Variants in POU6F2 observed in about 807,000 individuals in gnomAD.
POU6F2 encodes POU domain, class 6, transcription factor 2.
In POU6F2, 31 loss-of-function variants were observed where a neutral mutation model predicts 71.3. That is an observed-to-expected ratio of 0.43 (90% confidence interval 0.33 to 0.59). POU6F2 has a LOEUF of 0.59. Among genes scored for constraint, POU6F2 ranks in the 20% least tolerant of loss-of-function variants. The probability of loss-of-function intolerance (pLI) is 0.04; values close to 1 mark genes in which losing one functional copy is unlikely to be tolerated. For synonymous variants in POU6F2, 347 were observed against 355.7 expected (o/e 0.98, Z 0.27); for missense variants, 783 against 856.8 (o/e 0.91, Z 1.07).
intron 1 of POU6F2, among the ~76,000 whole-genome samples, chr7:39,027,737 C>T (rs570171689): frequency 1.3e-5 from 2 of 152,314 alleles, no homozygotes; most frequent in African/African-American, 4.8e-5. Context: ...CCCCCATAAA[C>T]ATACACCTCG....
chr7:39,213,668 A>G (rs1794186865), intron 4 of POU6F2, among the ~76,000 whole-genome samples: 1 of 152,054 alleles, frequency 6.6e-6, no homozygotes, highest in Non-Finnish European at 1.5e-5. Flanking sequence ...ATTCGGCATA[A>G]TGTTTTTGAG....
rs577609665 is a variant in POU6F2, at chr7:39,406,512, G to C, written c.973-88G>C. ...CCTTTGCATGAGCGAATTGAGGCGA[G>C]AACTACCTCCCCAGAGTCAATGTTG... On this transcript the variant is annotated intron_variant, in intron 5 of 9. Transcript: ENST00000518318. 9 of 1,493,776 alleles carry C rather than the reference G, an allele frequency of 6.0e-6. No homozygotes were observed. The Admixed American group carries it at 1.8e-4, about 29-fold the overall frequency. The allele number at this position is 1,493,776 out of a possible 1,614,324, so 92.5% of individuals were successfully genotyped here. A position where few individuals can be genotyped will look rare whatever the true frequency, so the allele number is the denominator to read the frequency against.
At chr7:39,112,433 CT>C (rs1233829748) in intron 2 of POU6F2, among the ~76,000 whole-genome samples, 2 of 152,102 alleles carry the variant, frequency 1.3e-5, no homozygotes, top group Non-Finnish European at 1.5e-5. Context: ...CATGCTTATA[CT>C]ATTGGTACTA....
At chr7:39,107,881 A>C (rs1251960956) in intron 2 of POU6F2, among the ~76,000 whole-genome samples, 1 of 152,154 alleles carries the variant, frequency 6.6e-6, no homozygotes, top group Non-Finnish European at 1.5e-5. Flanking sequence ...CAAAGGAATA[A>C]ATGTTCCAAT....
chr7:39,061,294 T>C (rs1044488539), intron 1 of POU6F2, among the ~76,000 whole-genome samples: 1 of 152,188 alleles, frequency 6.6e-6, no homozygotes, highest in Non-Finnish European at 1.5e-5. Flanking sequence ...GCAAGAAACA[T>C]GCAGATATGT....
chr7:38,978,869 C>T (rs1273176459), intron 1 of POU6F2, among the ~76,000 whole-genome samples: 1 of 152,170 alleles, frequency 6.6e-6, no homozygotes, highest in Non-Finnish European at 1.5e-5. Flanking sequence ...GTGAATCTTG[C>T]TCTTTCTGTT....
At chr7:39,431,322 A>G (rs113068331) in intron 6 of POU6F2, among the ~76,000 whole-genome samples, 40 of 152,314 alleles carry the variant, frequency 2.6e-4, no homozygotes, top group African/African-American at 8.7e-4. Context: ...TGGCATAGGG[A>G]TGAGGAGGCT....
intron 4 of POU6F2, among the ~76,000 whole-genome samples, chr7:39,280,656 C>A (rs1784546836): frequency 6.6e-6 from 1 of 152,148 alleles, no homozygotes; most frequent in African/African-American, 2.4e-5. Flanking sequence ...TAGGTGGGTT[C>A]TTTTACTGAA....
chr7:39,046,774 T>C (rs139114729), intron 1 of POU6F2, among the ~76,000 whole-genome samples: 9 of 151,934 alleles, frequency 5.9e-5, no homozygotes, highest in Admixed American at 2.0e-4. Flanking sequence ...AAATGTCCCT[T>C]GGCAAGCAAA....
At chr7:39,279,701 C>T (rs947744884) in intron 4 of POU6F2, among the ~76,000 whole-genome samples, 1 of 152,100 alleles carries the variant, frequency 6.6e-6, no homozygotes, top group South Asian at 2.1e-4. Flanking sequence ...CATCTTCCCT[C>T]TGTGTGTGTC....
chr7:39,468,078 G>C lies in POU6F2; in HGVS notation c.*3392G>C, dbSNP rs1355178458. On this transcript the variant is annotated 3_prime_UTR_variant, in exon 10 of 10. Coordinates refer to ENST00000518318, the MANE Select transcript of POU6F2 (RefSeq NM_001370959.1). ...GAAATTGATTTTCATTTCAATGTTT[G>C]ACTGTAAAATCTGTTTGGATAACAT... is the stretch of plus-strand genomic sequence containing the variant. The C allele has an allele frequency of 6.6e-6, 1 of 152,048 alleles. No homozygotes were observed. The highest frequency in any genetic ancestry group is 1.5e-5 in the Non-Finnish European group (1 of 68,008). The allele number at this position is 152,048 out of a possible 1,614,324, so 9.4% of individuals were successfully genotyped here.
chr7:39,151,578 G>A (rs149541393), intron 2 of POU6F2, among the ~76,000 whole-genome samples: 77 of 152,176 alleles, frequency 5.1e-4, no homozygotes, highest in African/African-American at 1.7e-3. Context: ...TCTGCTCTCC[G>A]GTGGCAGTAC....
intron 4 of POU6F2, among the ~76,000 whole-genome samples, chr7:39,234,284 C>T (rs569931236): frequency 7.2e-4 from 110 of 152,236 alleles, no homozygotes; most frequent in East Asian, 1.7e-3. Context: ...CACTTGGATG[C>T]TTTCAGTACT....
chr7:39,019,090 A>G (rs986708022), intron 1 of POU6F2, among the ~76,000 whole-genome samples: 1 of 151,860 alleles, frequency 6.6e-6, no homozygotes, highest in African/African-American at 2.4e-5. Flanking sequence ...CATTTTTGTT[A>G]TTGTTGTTAT....
chr7:39,071,782 G>C (rs1160474562), intron 1 of POU6F2, among the ~76,000 whole-genome samples: 1 of 151,938 alleles, frequency 6.6e-6, no homozygotes, highest in African/African-American at 2.4e-5. Context: ...TTTTAAAAAT[G>C]TATTCAGGGT....
intron 3 of POU6F2, among the ~76,000 whole-genome samples, chr7:39,205,771 A>G (rs1055741045): frequency 1.3e-5 from 2 of 152,170 alleles, no homozygotes; most frequent in Non-Finnish European, 2.9e-5. Flanking sequence ...CAGCAGTTCT[A>G]AACTCAGCTG....
At chr7:39,323,111 TA>T (rs35837057) in intron 4 of POU6F2, among the ~76,000 whole-genome samples, 600 of 141,540 alleles carry the variant, frequency 4.2e-3, no homozygotes, top group Admixed American at 4.4e-3. Context: ...CAGGAAGATT[TA>T]AAAAAAAAAA....
chr7:39,440,477 G>A (rs1041071837), intron 7 of POU6F2, among the ~76,000 whole-genome samples: 1 of 151,998 alleles, frequency 6.6e-6, no homozygotes, highest in Non-Finnish European at 1.5e-5. Flanking sequence ...GATCAATTTG[G>A]CTATTGACAC....
chr7:39,235,802 C>G (rs528510768), intron 4 of POU6F2, among the ~76,000 whole-genome samples: 5 of 152,212 alleles, frequency 3.3e-5, no homozygotes, highest in African/African-American at 9.6e-5. Context: ...TGCATGGTGC[C>G]CATCAACAGA....
Sources: gnomAD v4.1 joint callset for allele counts (sites outside exome capture counted in the v4.1 genomes callset) on GRCh38, gnomAD v4.1.1 for gene constraint, MANE v1.5 for transcripts, NCBI Gene and HGNC (gene_info 2026-07-23, HGNC 2026-07-21) for gene names.